SLC14A2: variants seen among roughly 807,000 people sequenced by gnomAD.
SLC14A2 encodes urea transporter 2.
In SLC14A2, 91 loss-of-function variants were observed where a neutral mutation model predicts 104.6. That is an observed-to-expected ratio of 0.87 (90% confidence interval 0.73 to 1.04). The LOEUF (loss-of-function observed/expected upper bound fraction) is 1.04, where lower values mean the gene tolerates loss of function less well. Among genes scored for constraint, SLC14A2 ranks in the 50% least tolerant of loss-of-function variants. SLC14A2 has a pLI of 0.00. For missense variants in SLC14A2, 1,189 were observed against 1,156.0 expected (o/e 1.03, Z -0.41); for synonymous variants, 476 against 466.4 (o/e 1.02, Z -0.27).
At chr18:45,613,766 C>T (rs73423774), upstream of SLC14A2, among the ~76,000 whole-genome samples, 2,591 of 152,230 alleles carry the variant, frequency 0.017, 63 homozygotes, top group African/African-American at 0.058. Context: ...GAGGTGACCT[C>T]GGTGCTCTTA....
chr18:45,312,440 G>GATGCT, intron 1 of SLC14A2, among the ~76,000 whole-genome samples: 1 of 151,824 alleles, frequency 6.6e-6, no homozygotes, highest in Middle Eastern at 3.2e-3. Context: ...CAATGAAAAT[G>GATGCT]ATGCTAATTA....
intron 2 of SLC14A2, among the ~76,000 whole-genome samples, chr18:45,532,623 T>A (rs1311994685): frequency 1.3e-5 from 2 of 151,818 alleles, no homozygotes; most frequent in Admixed American, 1.3e-4. Context: ...TTTCTAGATA[T>A]ACAATCATGT....
intron 1 of SLC14A2, among the ~76,000 whole-genome samples, chr18:45,401,777 G>A (rs1398006257): frequency 3.3e-5 from 5 of 152,198 alleles, no homozygotes; most frequent in Non-Finnish European, 7.3e-5. Flanking sequence ...TGGCAGTAAC[G>A]TAATGGTAGA....
intron 1 of SLC14A2, among the ~76,000 whole-genome samples, chr18:45,289,059 C>T (rs1349463049): frequency 2.0e-5 from 3 of 152,192 alleles, no homozygotes; most frequent in South Asian, 2.1e-4. Context: ...GGGCCTGGGA[C>T]GCTTGCTGTT....
At chr18:45,311,066 T>C (rs2085073545) in intron 1 of SLC14A2, among the ~76,000 whole-genome samples, 3 of 152,158 alleles carry the variant, frequency 2.0e-5, no homozygotes, top group Non-Finnish European at 2.9e-5. Flanking sequence ...AAGACCCAAT[T>C]CTTGCTTCGG....
At chr18:45,520,066 G>A (rs1177197891) in intron 2 of SLC14A2, among the ~76,000 whole-genome samples, 1 of 152,200 alleles carries the variant, frequency 6.6e-6, no homozygotes, top group Non-Finnish European at 1.5e-5. Context: ...TGTCTTGTAC[G>A]TACCATTTGG....
At chr18:45,290,105 TA>T (rs11357444) in intron 1 of SLC14A2, among the ~76,000 whole-genome samples, 23,269 of 151,912 alleles carry the variant, frequency 0.15, 2,084 homozygotes, top group African/African-American at 0.24. Context: ...AGTTCTTTTG[TA>T]AAAAAAACGT....
At chr18:45,649,114 T>C (rs558870579) in intron 10 of SLC14A2, among the ~76,000 whole-genome samples, 1 of 152,146 alleles carries the variant, frequency 6.6e-6, no homozygotes, top group Non-Finnish European at 1.5e-5. Flanking sequence ...GAGCTTGCAG[T>C]GAGCGAGCCG....
intron 2 of SLC14A2, among the ~76,000 whole-genome samples, chr18:45,541,723 C>A (rs540900059): frequency 7.2e-4 from 109 of 152,316 alleles, no homozygotes; most frequent in African/African-American, 2.5e-3. Context: ...ATGTTCAAAT[C>A]TGAACAAATG....
the SLC14A2 span, among the ~76,000 whole-genome samples, chr18:45,188,107 G>A: frequency 6.6e-6 from 1 of 152,116 alleles, no homozygotes; most frequent in Non-Finnish European, 1.5e-5. Flanking sequence ...AATTGAGTAT[G>A]TCTATAATCC....
At chr18:45,613,597 G>C (rs895179244), upstream of SLC14A2, among the ~76,000 whole-genome samples, 2 of 152,190 alleles carry the variant, frequency 1.3e-5, no homozygotes, top group African/African-American at 4.8e-5. Flanking sequence ...TGGAGATGAG[G>C]AACTTGTTGG....
the SLC14A2 span, among the ~76,000 whole-genome samples, chr18:45,170,933 C>G: frequency 6.6e-6 from 1 of 152,104 alleles, no homozygotes; most frequent in Non-Finnish European, 1.5e-5. Context: ...GTGTAACACC[C>G]AGTTGTGTCT....
At chr18:45,468,034 C>T (rs965080490) in intron 1 of SLC14A2, among the ~76,000 whole-genome samples, 3 of 152,134 alleles carry the variant, frequency 2.0e-5, no homozygotes, top group Admixed American at 6.5e-5. Flanking sequence ...TCTCCTCTAC[C>T]AGCCACCACC....
At chr18:45,593,741 G>T (rs778377618) in intron 2 of SLC14A2, among the ~76,000 whole-genome samples, 1 of 151,880 alleles carries the variant, frequency 6.6e-6, no homozygotes, top group Admixed American at 6.5e-5. Context: ...CGTCCACCTC[G>T]GCCTCCCAAA....
chr18:45,179,147 ACTG>A, the SLC14A2 span, among the ~76,000 whole-genome samples: 2 of 152,180 alleles, frequency 1.3e-5, no homozygotes, highest in Non-Finnish European at 1.5e-5. Flanking sequence ...CTTCCCAGAC[ACTG>A]CCCATTCCAC....
intron 1 of SLC14A2, among the ~76,000 whole-genome samples, chr18:45,367,993 C>T (rs754382965): frequency 1.2e-4 from 19 of 152,246 alleles, no homozygotes; most frequent in Non-Finnish European, 2.1e-4. Flanking sequence ...ACAGGAACAT[C>T]TGGGTGGCTG....
At chr18:45,517,315 T>C (rs112794679) in intron 2 of SLC14A2, among the ~76,000 whole-genome samples, 6 of 152,240 alleles carry the variant, frequency 3.9e-5, no homozygotes, top group African/African-American at 1.4e-4. Context: ...TGGCAGGAAT[T>C]CCGAGACATT....
intron 1 of SLC14A2, among the ~76,000 whole-genome samples, chr18:45,324,536 T>G (rs2085215574): frequency 6.6e-6 from 1 of 151,762 alleles, no homozygotes; most frequent in Non-Finnish European, 1.5e-5. Flanking sequence ...TAGGCTCAGC[T>G]CCCCTTCCTC....
intron 2 of SLC14A2, among the ~76,000 whole-genome samples, chr18:45,514,416 G>T (rs1272673722): frequency 6.6e-6 from 1 of 152,152 alleles, no homozygotes; most frequent in Non-Finnish European, 1.5e-5. Context: ...CCACCCCCAT[G>T]ATCTAATCAC....
Sources: gnomAD v4.1 joint callset for allele counts (sites outside exome capture counted in the v4.1 genomes callset) on GRCh38, gnomAD v4.1.1 for gene constraint, MANE v1.5 for transcripts, NCBI Gene and HGNC (gene_info 2026-07-23, HGNC 2026-07-21) for gene names.